Variants in CALN1 observed in about 807,000 individuals in gnomAD.
The protein encoded by CALN1 is calcium-binding protein 8.
A neutral mutation model predicts 30.6 loss-of-function variants in CALN1; 17 were observed. The observed-to-expected ratio is 0.56, with a 90% CI of 0.38 to 0.83. The LOEUF (loss-of-function observed/expected upper bound fraction) is 0.83. CALN1 is among the 40% of genes least tolerant of loss of function. CALN1 has a pLI of 0.00. For missense variants in CALN1, 291 were observed against 354.9 expected (o/e 0.82, Z 1.45); for synonymous variants, 156 against 131.4 (o/e 1.19, Z -1.28).
At chr7:71,829,871 A>C (rs1789154803) in intron 5 of CALN1, among the ~76,000 whole-genome samples, 1 of 152,198 alleles carries the variant, frequency 6.6e-6, no homozygotes, top group Non-Finnish European at 1.5e-5. Flanking sequence ...TGCACATCGA[A>C]GAGGATGTGC....
At chr7:72,274,366 G>A (rs1457383313) in intron 3 of CALN1, among the ~76,000 whole-genome samples, 1 of 152,078 alleles carries the variant, frequency 6.6e-6, no homozygotes, top group Non-Finnish European at 1.5e-5. Context: ...AAATTAGTCA[G>A]GCGTGGTGGC....
chr7:72,271,061 C>G (rs148012117), intron 3 of CALN1, among the ~76,000 whole-genome samples: 1 of 152,196 alleles, frequency 6.6e-6, no homozygotes. Context: ...AAGGATGATT[C>G]CCAGATGACT....
intron 3 of CALN1, among the ~76,000 whole-genome samples, chr7:72,192,991 C>G (rs975408185): frequency 6.6e-6 from 1 of 151,942 alleles, no homozygotes; most frequent in African/African-American, 2.4e-5. Context: ...AGTTCGAGAC[C>G]AGTCTGGCCA....
chr7:72,296,613 T>G (rs1399467496), intron 2 of CALN1, among the ~76,000 whole-genome samples: 9 of 141,802 alleles, frequency 6.3e-5, no homozygotes, highest in East Asian at 2.1e-4. Flanking sequence ...GTCGAGGAAT[T>G]TATCCATTTC....
intron 3 of CALN1, among the ~76,000 whole-genome samples, chr7:72,115,757 A>G (rs186898327): frequency 2.1e-4 from 32 of 152,038 alleles, no homozygotes; most frequent in Non-Finnish European, 4.3e-4. Flanking sequence ...AAGTGCTAGG[A>G]TTACAGGCGT....
chr7:72,125,267 A>G (rs1808666224), intron 3 of CALN1, among the ~76,000 whole-genome samples: 1 of 152,164 alleles, frequency 6.6e-6, no homozygotes, highest in African/African-American at 2.4e-5. Flanking sequence ...CGCCTGCCTC[A>G]GCCTCCCAAA....
intron 2 of CALN1, among the ~76,000 whole-genome samples, chr7:72,289,081 G>C (rs572125690): frequency 3.9e-4 from 59 of 152,148 alleles, no homozygotes; most frequent in Non-Finnish European, 6.8e-4. Context: ...ACCTAGTAGA[G>C]AATTATAAAT....
chr7:72,388,555 G>A (rs377383783), intron 2 of CALN1, among the ~76,000 whole-genome samples: 6 of 152,304 alleles, frequency 3.9e-5, no homozygotes, highest in African/African-American at 1.2e-4. Flanking sequence ...GCGATACTGC[G>A]TGTTGGGGAT....
In CALN1 at chr7:72,106,142, G is replaced by C. The variant is rs376790448; in HGVS notation, c.388+9C>G. Reference sequence around the variant, plus strand: ...GTCTCAGGGGAGAAGCTGCTTGTCCGGGTCTTACCGTCCATGTCCAAGCGC... The same window carrying C: ...GTCTCAGGGGAGAAGCTGCTTGTCCCGGTCTTACCGTCCATGTCCAAGCGC... On this transcript the variant is annotated intron_variant, in intron 4 of 6. Coordinates refer to ENST00000395275, the MANE Select transcript of CALN1 (RefSeq NM_031468.4). The C allele has an allele frequency of 6.2e-7, 1 of 1,612,576 alleles. No individual in the cohort carries two copies. The highest frequency in any genetic ancestry group is 8.5e-7 in the Non-Finnish European group (1 of 1,179,368).
chr7:72,283,659 G>A (rs1461721944), intron 2 of CALN1, among the ~76,000 whole-genome samples: 1 of 152,222 alleles, frequency 6.6e-6, no homozygotes, highest in Non-Finnish European at 1.5e-5. Flanking sequence ...AGTCATGGAT[G>A]AATTAGATTG....
chr7:72,462,911 C>T, the CALN1 span, among the ~76,000 whole-genome samples: 1 of 152,328 alleles, frequency 6.6e-6, no homozygotes, highest in Non-Finnish European at 1.5e-5. Flanking sequence ...CCAGATTCTA[C>T]CATCCACGTA....
chr7:72,055,949 A>C (rs1419499344), intron 4 of CALN1, among the ~76,000 whole-genome samples: 1 of 152,222 alleles, frequency 6.6e-6, no homozygotes, highest in East Asian at 1.9e-4. Context: ...TGAGCTCAGC[A>C]GCTGAGGCTG....
chr7:72,152,554 A>C (rs1331376692), intron 3 of CALN1, among the ~76,000 whole-genome samples: 2 of 152,160 alleles, frequency 1.3e-5, no homozygotes, highest in Admixed American at 6.5e-5. Context: ...CACAGGTCTC[A>C]GCAGTCCACA....
At chr7:72,360,616 T>TA (rs1803515955) in intron 2 of CALN1, among the ~76,000 whole-genome samples, 1 of 149,444 alleles carries the variant, frequency 6.7e-6, no homozygotes, top group African/African-American at 2.5e-5. Context: ...ATTTTTTTTT[T>TA]ATTATACTTT....
chr7:72,103,752 T>C (rs1428737046), intron 4 of CALN1, among the ~76,000 whole-genome samples: 2 of 150,096 alleles, frequency 1.3e-5, no homozygotes. Context: ...TTGGAGAAGA[T>C]GGAAATGGAG....
chr7:71,814,003 C>T (rs999881312), intron 5 of CALN1, among the ~76,000 whole-genome samples: 1 of 151,234 alleles, frequency 6.6e-6, no homozygotes, highest in East Asian at 2.0e-4. Context: ...ATAAGCTACA[C>T]GGGTCCCAGG....
intron 5 of CALN1, among the ~76,000 whole-genome samples, chr7:72,018,264 G>A (rs1429556476): frequency 6.6e-6 from 1 of 152,100 alleles, no homozygotes; most frequent in African/African-American, 2.4e-5. Flanking sequence ...CAGGGACCCT[G>A]AGGACCGTGC....
At chr7:71,980,385 C>T (rs1166239887) in intron 5 of CALN1, among the ~76,000 whole-genome samples, 1 of 151,770 alleles carries the variant, frequency 6.6e-6, no homozygotes, top group Non-Finnish European at 1.5e-5. Context: ...CAGGGTTTTA[C>T]CATGTTGGCC....
At chr7:72,498,408 A>C in the CALN1 span, among the ~76,000 whole-genome samples, 1 of 150,774 alleles carries the variant, frequency 6.6e-6, no homozygotes, top group African/African-American at 2.4e-5. Context: ...AAAAAGAAAT[A>C]GAAAATCTCA....
Sources: gnomAD v4.1 joint callset for allele counts (sites outside exome capture counted in the v4.1 genomes callset) on GRCh38, gnomAD v4.1.1 for gene constraint, MANE v1.5 for transcripts, NCBI Gene and HGNC (gene_info 2026-07-23, HGNC 2026-07-21) for gene names.